FGF5: variants seen among roughly 807,000 people sequenced by gnomAD.
FGF5 encodes heparin-binding growth factor 5.
Under a neutral mutation model 21.8 loss-of-function variants are expected in FGF5, and 23 were observed. The observed-to-expected ratio is 1.05, with a 90% CI of 0.76 to 1.49. The LOEUF is 1.49. Ranked by LOEUF, FGF5 falls within the 40% of genes most tolerant of loss-of-function variation. The pLI is 0.00. For missense variants in FGF5, 352 were observed against 332.9 expected (o/e 1.06, Z -0.45); for synonymous variants, 158 against 124.0 (o/e 1.27, Z -1.82).
chr4:80,266,948 A>C lies in FGF5; in HGVS notation c.124A>C (p.Arg42=). The change falls in exon 1 of 3, where the codon AGA becomes CGA. Residue 42 remains arginine (R), a synonymous_variant. Coordinates refer to ENST00000312465, the MANE Select transcript of FGF5 (RefSeq NM_004464.4). The stretch of plus-strand genomic sequence containing the variant: ...ACCCGCTGCCACTGATAGGAACCCT[A>C]GAGGCTCCAGCAGCAGACAGAGCAG... ...PGPAATDRNP[R]GSSSRQSSSS... is the part of the protein sequence containing the mutation. The C allele has an allele frequency of 6.2e-7, 1 of 1,614,196 alleles. No homozygotes were observed. Among genetic ancestry groups the C allele is most frequent in the Non-Finnish European group, 8.5e-7 (1 of 1,180,022 alleles).
rs1347043349 is a variant in FGF5, at chr4:80,287,195, ATG to A, written c.*527_*528del. On this transcript the variant is annotated 3_prime_UTR_variant, in exon 3 of 3. Transcript: ENST00000312465. ...ATTTTATGCTGTTTATGAATTATAA[ATG>A]TGTTTATAGCTCATTTGTAATATGG... The A allele has an allele frequency of 6.6e-6, 1 of 152,486 alleles. No homozygotes were observed. Among genetic ancestry groups the A allele is most frequent in the Middle Eastern group, 3.4e-3 (1 of 292 alleles). 9.4% of individuals were successfully genotyped at this position (152,486 alleles called of 1,614,324 possible). A position where few individuals can be genotyped will look rare whatever the true frequency, so the allele number is the denominator to read the frequency against.
rs1720822536 is a variant in FGF5 at position 80,289,026 on chromosome 4, G to A, written c.*2354G>A. On this transcript the variant is annotated 3_prime_UTR_variant, in exon 3 of 3. Coordinates refer to ENST00000312465, the MANE Select transcript of FGF5 (RefSeq NM_004464.4). ...TTTTTTTTTTTTGAGACAGAGTCTTGCTCTGTCACCAGGCTGGAGTGCAGT... is the reference window on the plus strand; with the variant it reads ...TTTTTTTTTTTTGAGACAGAGTCTTACTCTGTCACCAGGCTGGAGTGCAGT... The A allele has an allele frequency of 7.0e-6, 1 of 142,246 alleles. No homozygotes were observed. The highest frequency in any genetic ancestry group is 1.5e-5 in the Non-Finnish European group (1 of 66,524). The allele number at this position is 142,246 out of a possible 1,614,324, so 8.8% of individuals were successfully genotyped here. A position where few individuals can be genotyped will look rare whatever the true frequency, so the allele number is the denominator to read the frequency against.
At chr4:80,272,704 C>T (rs901893483) in intron 1 of FGF5, among the ~76,000 whole-genome samples, 1 of 152,014 alleles carries the variant, frequency 6.6e-6, no homozygotes, top group African/African-American at 2.4e-5. Flanking sequence ...AATTAAAAGC[C>T]TCTAACAATC....
chr4:80,273,420 A>T (rs1720325659), intron 1 of FGF5, among the ~76,000 whole-genome samples: 1 of 152,170 alleles, frequency 6.6e-6, no homozygotes, highest in Admixed American at 6.5e-5. Flanking sequence ...AGTGCTTGCT[A>T]GAATTATAGA....
At chr4:80,269,649 A>G (rs1720213576) in intron 1 of FGF5, among the ~76,000 whole-genome samples, 3 of 152,350 alleles carry the variant, frequency 2.0e-5, no homozygotes, top group South Asian at 2.1e-4. Flanking sequence ...CTTGTTTACA[A>G]TAACCTTTCA....
At chr4:80,274,842 A>G (rs3214026) in intron 1 of FGF5, 67 bp from the exon 2 acceptor site, 21,529 of 721,834 alleles carry the variant, frequency 0.03, 718 homozygotes, top group African/African-American at 0.12. Context: ...ATCTATGTAG[A>G]AATTTAATTC....
chr4:80,276,850 A>G (rs1224334022), intron 2 of FGF5, among the ~76,000 whole-genome samples: 2 of 152,122 alleles, frequency 1.3e-5, no homozygotes, highest in African/African-American at 2.4e-5. Flanking sequence ...GTCTACTTTA[A>G]GTTTATAAAA....
intron 1 of FGF5, among the ~76,000 whole-genome samples, chr4:80,268,922 G>A (rs1185329633): frequency 6.6e-6 from 1 of 152,212 alleles, no homozygotes; most frequent in African/African-American, 2.4e-5. Context: ...GAGATTTGAG[G>A]AATAATCAGT....
At chr4:80,280,778 C>T in intron 2 of FGF5, among the ~76,000 whole-genome samples, 1 of 152,016 alleles carries the variant, frequency 6.6e-6, no homozygotes, top group African/African-American at 2.4e-5. Flanking sequence ...CATGCTATAC[C>T]ATGTTTTGCC....
intron 2 of FGF5, among the ~76,000 whole-genome samples, chr4:80,280,890 T>C (rs890926023): frequency 2.6e-5 from 4 of 152,094 alleles, no homozygotes; most frequent in African/African-American, 9.7e-5. Flanking sequence ...ACACAGTCCC[T>C]GGAGATAGGG....
At chr4:80,281,210 G>T (rs1720544458) in intron 2 of FGF5, among the ~76,000 whole-genome samples, 1 of 151,994 alleles carries the variant, frequency 6.6e-6, no homozygotes, top group African/African-American at 2.4e-5. Context: ...TCCTGTACCA[G>T]GGCACAAGTA....
chr4:80,274,814 TAATAA>T, intron 1 of FGF5, 90 bp from the exon 2 acceptor site: 1 of 640,342 alleles, frequency 1.6e-6, no homozygotes, highest in South Asian at 2.0e-5. Context: ...AAAATCACAA[TAATAA>T]AGAATGGAAA....
At position 80,266,739 on chromosome 4, in the gene FGF5, A is replaced by G; in HGVS notation, c.-86A>G. 2.5e-6 allele frequency: 3 copies of G among 1,180,562 alleles called. No individual in the cohort carries two copies. In the South Asian group the frequency reaches 4.4e-5, roughly 17 times the overall value. The allele number at this position is 1,180,562 out of a possible 1,614,324, so 73.1% of individuals were successfully genotyped here. A position where few individuals can be genotyped will look rare whatever the true frequency, so the allele number is the denominator to read the frequency against. The stretch of plus-strand genomic sequence containing the variant: ...GTCCACCCGGTGCGGCGAGGCGGGC[A>G]GAGCCAGAGGCACGCAGCCGCACAG... On this transcript the variant is annotated 5_prime_UTR_variant, in exon 1 of 3. Coordinates refer to ENST00000312465, the MANE Select transcript of FGF5 (RefSeq NM_004464.4).
upstream of FGF5, chr4:80,266,613 A>T (rs36005339): frequency 4.3e-4 from 245 of 569,962 alleles, 2 homozygotes; most frequent in East Asian, 7.1e-3. Flanking sequence ...GCGTGCACGG[A>T]GCAGTGAGAT....
chr4:80,285,400 G>A (rs1245865626), intron 2 of FGF5, among the ~76,000 whole-genome samples: 3 of 152,026 alleles, frequency 2.0e-5, no homozygotes, highest in African/African-American at 7.2e-5. Context: ...TTCTTATTTT[G>A]CCTTCCTCTC....
intron 1 of FGF5, among the ~76,000 whole-genome samples, chr4:80,271,727 A>G (rs2109918723): frequency 6.6e-6 from 1 of 152,358 alleles, no homozygotes; most frequent in East Asian, 1.9e-4. Context: ...TTGGCTTAGA[A>G]ATACTGCCTT....
chr4:80,286,165 G>A (rs912070362), intron 2 of FGF5, among the ~76,000 whole-genome samples, 160 bp from the exon 3 acceptor site: 2 of 152,016 alleles, frequency 1.3e-5, no homozygotes, highest in African/African-American at 4.8e-5. Context: ...TAATTTTAAA[G>A]CAACTTTAAA....
chr4:80,285,231 A>T (rs1471447126), intron 2 of FGF5, among the ~76,000 whole-genome samples: 1 of 152,156 alleles, frequency 6.6e-6, no homozygotes, highest in African/African-American at 2.4e-5. Context: ...ACTACATGGC[A>T]AACTAAGCTC....
chr4:80,279,563 G>A (rs1720500457), intron 2 of FGF5, among the ~76,000 whole-genome samples: 1 of 152,080 alleles, frequency 6.6e-6, no homozygotes, highest in South Asian at 2.1e-4. Flanking sequence ...CTTTCACCAA[G>A]GAACCTAATT....
Sources: gnomAD v4.1 joint callset for allele counts (sites outside exome capture counted in the v4.1 genomes callset) on GRCh38, gnomAD v4.1.1 for gene constraint, MANE v1.5 for transcripts, NCBI Gene and HGNC (gene_info 2026-07-23, HGNC 2026-07-21) for gene names.